VPS13D: variants seen among roughly 807,000 people sequenced by gnomAD.
The protein encoded by VPS13D is vacuolar protein sorting 13 homolog D.
Under a neutral mutation model 461.9 loss-of-function variants are expected in VPS13D, and 187 were observed. The observed-to-expected ratio is 0.40, with a 90% CI of 0.36 to 0.46. The LOEUF is 0.46. Ranked by LOEUF, VPS13D falls within the 20% of genes least tolerant of loss-of-function variation. The pLI, the probability that VPS13D is intolerant of heterozygous loss-of-function variation, is 0.60. For synonymous variants in VPS13D, 1,951 were observed against 1,986.3 expected, an observed-to-expected ratio of 0.98 and a Z score of 0.47; for missense variants, 4,711 against 5,364.9, an observed-to-expected ratio of 0.88 and a Z score of 3.81.
At position 12,283,155 on chromosome 1, in the gene VPS13D, T is replaced by C; in HGVS notation, c.5053T>C (p.Tyr1685His). 6.2e-7 allele frequency: 1 copy of C among 1,614,148 alleles called. No homozygotes were observed. The highest frequency in any genetic ancestry group is 8.5e-7 in the Non-Finnish European group (1 of 1,180,012). The change falls in exon 21 of 70, where the codon TAT becomes CAT. Residue 1685 changes from tyrosine (Y) to histidine (H), a missense_variant. This residue lies in a region of VPS13D where 4,411 missense variants were observed against 4,937.8 expected (regional missense o/e 0.89). Transcript: ENST00000620676. ...DLLEKNPDSK[Y>H]KNLMVSRGAP... Reference sequence around the variant, plus strand: ...ATTGGAGAAGAATCCAGATTCTAAATATAAGAACCTGATGGTGTCTCGAGG... The same window carrying C: ...ATTGGAGAAGAATCCAGATTCTAAACATAAGAACCTGATGGTGTCTCGAGG...
At chr1:12,262,742 C>T (rs551493296) in intron 13 of VPS13D, among the ~76,000 whole-genome samples, 12 of 149,922 alleles carry the variant, frequency 8.0e-5, no homozygotes, top group Admixed American at 4.7e-4. Context: ...CTTGCTCTGT[C>T]GCCTAGGCTG....
At chr1:12,432,196 T>A (rs544905242) in intron 65 of VPS13D, among the ~76,000 whole-genome samples, 2 of 151,890 alleles carry the variant, frequency 1.3e-5, no homozygotes, top group Admixed American at 1.3e-4. Context: ...GAGTTCGAGA[T>A]TAGCCTGACT....
intron 68 of VPS13D, among the ~76,000 whole-genome samples, chr1:12,501,719 C>T (rs1341605552): frequency 6.6e-6 from 1 of 152,214 alleles, no homozygotes; most frequent in Non-Finnish European, 1.5e-5. Context: ...GGGAAGCAGA[C>T]ACTGTATTAC....
chr1:12,316,318 A>G (rs1642884840), intron 30 of VPS13D, among the ~76,000 whole-genome samples: 2 of 152,072 alleles, frequency 1.3e-5, no homozygotes, highest in African/African-American at 4.8e-5. Context: ...AGAGGAGTGA[A>G]ATGTTCTTTA....
rs776158021 is a variant in VPS13D at position 12,362,741 on chromosome 1, G to A, written c.10163G>A (p.Arg3388Gln). The part of the protein sequence containing the change: ...YNIGIDVKKG[R>Q]GRYIDTCMVI... ...GTAGGTATTGATGTCAAGAAAGGCC[G>A]AGGTCGATACATTGATACCTGCATG... is the stretch of plus-strand genomic sequence containing the variant. Residue 3388 changes from arginine (R) to glutamine (Q), a missense_variant, in exon 51 of 70, where the codon CGA (arginine) becomes CAA (glutamine). By Grantham distance (43) the Arg-to-Gln change is conservative (BLOSUM62 1). This residue lies in a region of VPS13D where 4,411 missense variants were observed against 4,937.8 expected (regional missense o/e 0.89). Transcript: ENST00000620676. The A allele has an allele frequency of 3.7e-6, 6 of 1,613,994 alleles. No homozygotes were observed. Among genetic ancestry groups the A allele is most frequent in the African/African-American group, 2.7e-5 (2 of 74,922 alleles).
chr1:12,455,977 C>T (rs1181428938), intron 65 of VPS13D, 21 bp from the exon 66 acceptor site: 1 of 1,584,320 alleles, frequency 6.3e-7, no homozygotes. Flanking sequence ...AAACTCTTCT[C>T]CTGCTTTTAA....
rs79917547 is a variant in VPS13D, at chr1:12,424,725, C to T, written c.12333+7898C>T. Among the ~76,000 whole-genome samples, 1,026 of 152,244 alleles carry T rather than the reference C, an allele frequency of 6.7e-3. 9 individuals are homozygous for T. The highest frequency in any genetic ancestry group is 0.053 in the East Asian group (273 of 5,188). On this transcript the variant is annotated intron_variant, in intron 65 of 69. Transcript: ENST00000620676. The stretch of plus-strand genomic sequence containing the variant: ...GTTTTTGAAACAGAAAGAAAAAGTT[C>T]AGAACTTCTTCATTTCCTAATGGTA...
At chr1:12,488,126 A>G (rs1189204137) in intron 67 of VPS13D, among the ~76,000 whole-genome samples, 1 of 152,248 alleles carries the variant, frequency 6.6e-6, no homozygotes, top group Non-Finnish European at 1.5e-5. Context: ...AGACAGGTCC[A>G]GGAGAACTTG....
intron 46 of VPS13D, among the ~76,000 whole-genome samples, chr1:12,351,349 A>C (rs28806228): frequency 3.3e-5 from 5 of 152,166 alleles, no homozygotes; most frequent in Non-Finnish European, 7.3e-5. Context: ...GGAGTGCAAG[A>C]GTGCAGTCTT....
At chr1:12,474,922 C>T (rs1218600992) in intron 67 of VPS13D, among the ~76,000 whole-genome samples, 1 of 152,102 alleles carries the variant, frequency 6.6e-6, no homozygotes, top group Non-Finnish European at 1.5e-5. Flanking sequence ...TTTTTAAAAA[C>T]CCTATTAAAG....
intron 62 of VPS13D, 61 bp downstream of exon 62, chr1:12,401,765 CTGTT>C (rs1644584811): frequency 2.1e-6 from 3 of 1,442,364 alleles, no homozygotes; most frequent in Non-Finnish European, 2.9e-6. Flanking sequence ...ATTTTTGAGT[CTGTT>C]TGTAAAAATA....
intron 53 of VPS13D, among the ~76,000 whole-genome samples, chr1:12,369,095 A>G (rs377557245): frequency 2.0e-5 from 3 of 152,224 alleles, no homozygotes; most frequent in East Asian, 3.8e-4. Flanking sequence ...TTCTGTATTC[A>G]AAATATATCA....
At chr1:12,278,624 A>G (rs1009383052) in intron 19 of VPS13D, among the ~76,000 whole-genome samples, 1 of 152,178 alleles carries the variant, frequency 6.6e-6, no homozygotes, top group African/African-American at 2.4e-5. Flanking sequence ...ATGAGTGCTC[A>G]TTTACAGAGA....
chr1:12,383,665 C>CA (rs1326579772), intron 58 of VPS13D, among the ~76,000 whole-genome samples: 5 of 152,126 alleles, frequency 3.3e-5, no homozygotes, highest in Non-Finnish European at 7.4e-5. Flanking sequence ...TAGAAAGGTA[C>CA]AGGTGGAGGG....
rs1031696343 is a variant in VPS13D, at chr1:12,500,179, T to C, written c.12794+2548T>C. ...GATCGAGTTGCATTTAATTTTGTCA[T>C]TCTATTTAATTAATTAATATTAAAA... On this transcript the variant is annotated intron_variant, in intron 68 of 69. Transcript: ENST00000620676. The C allele has an allele frequency of 3.8e-5, 37 of 984,522 alleles. No individual in the cohort carries two copies. In the South Asian group the frequency reaches 4.7e-4, roughly 13 times the overall value. 61.0% of individuals were successfully genotyped at this position (984,522 alleles called of 1,614,324 possible).
rs144201025 is a variant in VPS13D, at chr1:12,335,220, C to T, written c.8429-485C>T. Reference sequence around the variant, plus strand: ...TAGCTGGGACTACAGGTGCACGCCACCACGCCTACATAAGTTTTGTATTTT... The same window carrying T: ...TAGCTGGGACTACAGGTGCACGCCATCACGCCTACATAAGTTTTGTATTTT... On this transcript the variant is annotated intron_variant, in intron 38 of 69. Coordinates refer to ENST00000620676, the MANE Select transcript of VPS13D (RefSeq NM_015378.4). 2.6e-5 allele frequency among the ~76,000 whole-genome samples: 4 copies of T among 152,268 alleles called. No individual in the cohort carries two copies. The East Asian group carries it at 7.7e-4, about 29-fold the overall frequency.
At chr1:12,331,041 C>T (rs185495661) in intron 37 of VPS13D, among the ~76,000 whole-genome samples, 29 of 152,270 alleles carry the variant, frequency 1.9e-4, no homozygotes, top group African/African-American at 6.7e-4. Context: ...GAGACGTAAA[C>T]CTCAATAATA....
intron 7 of VPS13D, among the ~76,000 whole-genome samples, chr1:12,255,384 G>GT (rs1357686530): frequency 6.6e-6 from 1 of 152,066 alleles, no homozygotes; most frequent in African/African-American, 2.4e-5. Context: ...ACAAACTAAG[G>GT]TAAAAACAGC....
intron 64 of VPS13D, among the ~76,000 whole-genome samples, chr1:12,415,879 G>T (rs929922406): frequency 6.8e-6 from 1 of 147,264 alleles, no homozygotes; most frequent in African/African-American, 2.7e-5. Flanking sequence ...GCAATTGGAA[G>T]TACAGAAAGA....
Sources: gnomAD v4.1 joint callset for allele counts (sites outside exome capture counted in the v4.1 genomes callset) on GRCh38, gnomAD v4.1.1 for gene constraint, gnomAD v4.1.1 regional missense constraint, MANE v1.5 for transcripts, NCBI Gene and HGNC (gene_info 2026-07-23, HGNC 2026-07-21) for gene names.